ERC2: variants seen among roughly 807,000 people sequenced by gnomAD.
The protein encoded by ERC2 is ERC protein 2.
In ERC2, 42 loss-of-function variants were observed where a neutral mutation model predicts 114.8. The ratio of observed to expected loss-of-function variants is 0.37; its 90% CI spans 0.29 to 0.47. The LOEUF is 0.47. Ranked by LOEUF, ERC2 falls within the 20% of genes least tolerant of loss-of-function variation. ERC2 has a pLI of 0.99. For missense variants in ERC2, 939 were observed against 1,150.7 expected, an observed-to-expected ratio of 0.82 and a Z score of 2.66; for synonymous variants, 454 against 425.5, an observed-to-expected ratio of 1.07 and a Z score of -0.82.
At chr3:55,749,776 T>G (rs535067984) in intron 14 of ERC2, among the ~76,000 whole-genome samples, 1 of 152,156 alleles carries the variant, frequency 6.6e-6, no homozygotes. Flanking sequence ...TTCCACGCTG[T>G]GGAAGCTTTG....
chr3:56,225,968 A>G (rs996281677), intron 3 of ERC2, among the ~76,000 whole-genome samples: 1 of 152,188 alleles, frequency 6.6e-6, no homozygotes, highest in African/African-American at 2.4e-5. Context: ...GGCAATCAGA[A>G]CTGCGCCTCA....
chr3:56,303,350 A>G (rs1421886752), intron 2 of ERC2, among the ~76,000 whole-genome samples: 4 of 152,218 alleles, frequency 2.6e-5, no homozygotes, highest in Admixed American at 2.0e-4. Flanking sequence ...CACAAAAGGG[A>G]AAAAGCTTAA....
At chr3:55,960,706 T>C (rs972031788) in intron 12 of ERC2, among the ~76,000 whole-genome samples, 1 of 152,252 alleles carries the variant, frequency 6.6e-6, no homozygotes, top group African/African-American at 2.4e-5. Context: ...GCTACCATCA[T>C]GTCCAAGTTG....
At chr3:55,517,446 CAAAAAAAA>C (rs11309251) in intron 17 of ERC2, among the ~76,000 whole-genome samples, 6,375 of 90,452 alleles carry the variant, frequency 0.07, 190 homozygotes, top group Middle Eastern at 0.14. Flanking sequence ...GACTCCGTCT[CAAAAAAAA>C]AAAAAAAAAA....
rs1181410927 is a variant in ERC2, at chr3:56,178,562, C to T, written c.1075-5042G>A. Among the ~76,000 whole-genome samples the T allele has an allele frequency of 2.0e-5, 3 of 152,240 alleles. No individual in the cohort carries two copies. The East Asian group carries it at 5.8e-4, about 29-fold the overall frequency. ...AATTTGAAGCCATGTTTTAAAATTG[C>T]CACTATTATGGACCAACACCAATTG... is the stretch of plus-strand genomic sequence containing the variant. On this transcript the variant is annotated intron_variant, in intron 3 of 17. Coordinates refer to ENST00000288221, the MANE Select transcript of ERC2 (RefSeq NM_015576.3).
At chr3:55,571,205 C>T (rs753901177) in intron 17 of ERC2, among the ~76,000 whole-genome samples, 11 of 150,076 alleles carry the variant, frequency 7.3e-5, no homozygotes, top group African/African-American at 1.7e-4. Context: ...TGACAAGAAT[C>T]GGGTCTGTTT....
intron 14 of ERC2, among the ~76,000 whole-genome samples, chr3:55,833,078 G>T (rs1193003755): frequency 6.7e-6 from 1 of 149,256 alleles, no homozygotes; most frequent in Admixed American, 6.6e-5. Context: ...AAAAAGAAAT[G>T]AACAAAGCCT....
intron 14 of ERC2, among the ~76,000 whole-genome samples, chr3:55,886,846 G>A (rs543004920): frequency 3.9e-5 from 6 of 152,202 alleles, no homozygotes; most frequent in Middle Eastern, 3.4e-3. Context: ...TGATAATATC[G>A]CAGATACTTA....
At chr3:56,328,761 A>G (rs1260261392) in intron 2 of ERC2, among the ~76,000 whole-genome samples, 1 of 152,218 alleles carries the variant, frequency 6.6e-6, no homozygotes, top group Non-Finnish European at 1.5e-5. Context: ...AAGGTCACAC[A>G]CAAGAATAAG....
At chr3:55,514,476 T>A (rs72868660) in intron 17 of ERC2, among the ~76,000 whole-genome samples, 3,915 of 152,250 alleles carry the variant, frequency 0.026, 169 homozygotes, top group African/African-American at 0.09. Flanking sequence ...AAAGGGTGGA[T>A]CTGAGTGGAC....
intron 17 of ERC2, among the ~76,000 whole-genome samples, chr3:55,536,019 C>CA (rs550295671): frequency 9.2e-5 from 14 of 152,166 alleles, no homozygotes; most frequent in African/African-American, 3.4e-4. Context: ...ACAACAACAA[C>CA]AACAAAAAAA....
At chr3:56,369,976 G>A (rs2059302499) in intron 2 of ERC2, among the ~76,000 whole-genome samples, 2 of 152,120 alleles carry the variant, frequency 1.3e-5, no homozygotes, top group Non-Finnish European at 2.9e-5. Context: ...CGCCCGGCCT[G>A]GATACTACTT....
intron 17 of ERC2, among the ~76,000 whole-genome samples, chr3:55,644,426 A>T (rs1185437917): frequency 6.6e-6 from 1 of 152,198 alleles, no homozygotes; most frequent in Admixed American, 6.5e-5. Flanking sequence ...AAAAGTGTGG[A>T]CGTAAGCCTT....
intron 3 of ERC2, among the ~76,000 whole-genome samples, chr3:56,205,983 C>A (rs1232755658): frequency 6.6e-6 from 1 of 152,166 alleles, no homozygotes; most frequent in Non-Finnish European, 1.5e-5. Context: ...TTTCTGATAG[C>A]AACTGTTACT....
At chr3:56,189,720 A>G (rs555943869) in intron 3 of ERC2, among the ~76,000 whole-genome samples, 1 of 152,270 alleles carries the variant, frequency 6.6e-6, no homozygotes, top group African/African-American at 2.4e-5. Context: ...GGCACCACAC[A>G]TGGAGCCTTT....
intron 17 of ERC2, among the ~76,000 whole-genome samples, chr3:55,622,171 C>A (rs370155327): frequency 6.6e-6 from 1 of 152,180 alleles, no homozygotes; most frequent in African/African-American, 2.4e-5. Flanking sequence ...TGGTAAAGAA[C>A]GCTTTGCTTT....
intron 6 of ERC2, among the ~76,000 whole-genome samples, chr3:56,121,751 A>G (rs2079588315): frequency 6.6e-6 from 1 of 152,228 alleles, no homozygotes; most frequent in African/African-American, 2.4e-5. Flanking sequence ...CAAAGCTTAT[A>G]TGTGTATATA....
intron 1 of ERC2, among the ~76,000 whole-genome samples, chr3:56,462,871 AC>A (rs2063377771): frequency 2.6e-5 from 4 of 152,168 alleles, no homozygotes; most frequent in Non-Finnish European, 1.5e-5. Context: ...CTAAGCTGGT[AC>A]TATGAATGAA....
At chr3:55,904,270 A>G (rs1214580115) in intron 13 of ERC2, among the ~76,000 whole-genome samples, 1 of 152,186 alleles carries the variant, frequency 6.6e-6, no homozygotes, top group Non-Finnish European at 1.5e-5. Context: ...TGGCCAGAGT[A>G]CCATAGGTAA....
Sources: allele counts gnomAD v4.1 joint callset (sites outside exome capture counted in the v4.1 genomes callset), GRCh38; gene constraint gnomAD v4.1.1; transcripts MANE v1.5; gene names NCBI Gene and HGNC (gene_info 2026-07-23, HGNC 2026-07-21).